Variants in ADGRB1 observed in about 807,000 individuals in gnomAD.
ADGRB1 encodes adhesion G protein-coupled receptor B1.
In ADGRB1, 36 loss-of-function variants were observed where a neutral mutation model predicts 175.7. The observed-to-expected ratio is 0.20, with a 90% CI of 0.16 to 0.27. ADGRB1 has a LOEUF of 0.27. ADGRB1 is among the 10% of genes least tolerant of loss of function. The pLI is 1.00. For missense variants in ADGRB1, 1,731 were observed against 2,255.3 expected, an observed-to-expected ratio of 0.77 and a Z score of 4.71; for synonymous variants, 1,054 against 979.4, an observed-to-expected ratio of 1.08 and a Z score of -1.42.
chr8:142,459,836 C>T (rs575689945), intron 1 of ADGRB1, among the ~76,000 whole-genome samples: 1 of 152,336 alleles, frequency 6.6e-6, no homozygotes, highest in South Asian at 2.1e-4. Flanking sequence ...TCCTGTGACC[C>T]TGTCCACATT....
chr8:142,477,892 G>T (rs1472070927), intron 6 of ADGRB1, among the ~76,000 whole-genome samples: 5 of 151,698 alleles, frequency 3.3e-5, no homozygotes, highest in African/African-American at 4.8e-5. Context: ...TGGCCCCAGG[G>T]TGTTCTCACC....
chr8:142,505,317 C>T (rs905210386), intron 17 of ADGRB1, among the ~76,000 whole-genome samples: 3 of 152,218 alleles, frequency 2.0e-5, no homozygotes, highest in African/African-American at 7.2e-5. Context: ...CCCAAGAGCA[C>T]AGGAGCCACA....
chr8:142,475,707 G>T, intron 3 of ADGRB1, 72 bp downstream of exon 3: 3 of 1,164,198 alleles, frequency 2.6e-6, no homozygotes, highest in African/African-American at 1.7e-5. Flanking sequence ...AGAGGGGGGT[G>T]GGGCCCTGGA....
intron 20 of ADGRB1, among the ~76,000 whole-genome samples, chr8:142,521,714 G>A (rs1027365879): frequency 2.0e-5 from 3 of 152,244 alleles, no homozygotes; most frequent in African/African-American, 7.2e-5. Context: ...TTAGCATTTG[G>A]TGTGGCTATG....
intron 1 of ADGRB1, among the ~76,000 whole-genome samples, chr8:142,451,413 G>A (rs1254043522): frequency 6.6e-6 from 1 of 152,166 alleles, no homozygotes; most frequent in Non-Finnish European, 1.5e-5. Context: ...CCCTAAGCCA[G>A]CCCTCTTTCA....
In ADGRB1 at chr8:142,481,261, C is replaced by T; in HGVS notation, c.1836C>T (p.Ile612=). The change falls in exon 10 of 31, where the codon ATC becomes ATT. Residue 612 remains isoleucine, a synonymous_variant. Coordinates refer to ENST00000517894, the MANE Select transcript of ADGRB1 (RefSeq NM_001702.3). ...AGGGGATGGTCTCCCCAGGACTCAT[C>T]CTGCGACGGTGTGAGCTGGACGAGG... The part of the protein sequence containing the change: ...VRCPRNATGL[I]LRRCELDEEG... 6.2e-7 allele frequency: 1 copy of T among 1,613,748 alleles called. No individual in the cohort carries two copies. The highest frequency in any genetic ancestry group is 8.5e-7 in the Non-Finnish European group (1 of 1,179,840).
Position 142,544,818 on chromosome 8 carries a change from A to G in ADGRB1, c.*401A>G, listed in dbSNP as rs1845493758. 6.4e-6 allele frequency: 1 copy of G among 156,246 alleles called. No homozygotes were observed. Among genetic ancestry groups the G allele is most frequent in the South Asian group, 2.0e-4 (1 of 4,924 alleles). The allele number at this position is 156,246 out of a possible 1,614,324, so 9.7% of individuals were successfully genotyped here. On this transcript the variant is annotated 3_prime_UTR_variant, in exon 31 of 31. Transcript: ENST00000517894. ...CTGGCACCGTTTTTTAAACACCCCC[A>G]TCCCTCGGGAAGCAGCCAGCTCCCC...
Position 142,544,284 on chromosome 8 carries a change from C to A in ADGRB1, c.4622C>A (p.Pro1541His). The A allele has an allele frequency of 6.5e-7, 1 of 1,549,414 alleles. No individual in the cohort carries two copies. Among genetic ancestry groups the A allele is most frequent in the Non-Finnish European group, 8.7e-7 (1 of 1,146,644 alleles). ...WESLRKAHGTPTWVKKELEPL... is the reference protein window; with the variant it reads ...WESLRKAHGTHTWVKKELEPL... ...AGCCTCCGGAAAGCCCACGGGACGCCCACGTGGGTGAAGAAGGAGCTGGAG... is the reference window on the plus strand; with the variant it reads ...AGCCTCCGGAAAGCCCACGGGACGCACACGTGGGTGAAGAAGGAGCTGGAG... The change falls in exon 31 of 31, where the codon CCC (proline) becomes CAC (histidine). Residue 1541 changes from proline (P) to histidine (H), a missense_variant. Coordinates refer to ENST00000517894, the MANE Select transcript of ADGRB1 (RefSeq NM_001702.3).
chr8:142,478,053 C>A, intron 6 of ADGRB1, 134 bp from the exon 7 acceptor site: 1 of 1,226,410 alleles, frequency 8.2e-7, no homozygotes, highest in East Asian at 2.6e-5. Context: ...TGGGTGGTGG[C>A]CCCCAGGGTG....
rs1020495667 is a variant in ADGRB1 at position 142,543,995 on chromosome 8, G to A, written c.4558-225G>A. ...AGGGTCCCCACAGCCTGACCCGACC[G>A]TGGGGTTCGCAACCTCTGCCAAGGC... On this transcript the variant is annotated intron_variant, in intron 30 of 30. Transcript: ENST00000517894. The surrounding 1 kb of genome is among the most constrained non-coding windows in gnomAD (Gnocchi z 4.4). Among the ~76,000 whole-genome samples the A allele has an allele frequency of 2.6e-5, 4 of 152,104 alleles. No homozygotes were observed. The highest frequency in any genetic ancestry group is 4.8e-5 in the African/African-American group (2 of 41,426).
intron 1 of ADGRB1, among the ~76,000 whole-genome samples, chr8:142,454,245 G>A (rs750556712): frequency 2.6e-4 from 39 of 152,232 alleles, no homozygotes; most frequent in Admixed American, 5.2e-4. Flanking sequence ...CACAGTGGGC[G>A]GGCGGCAGCC....
chr8:142,466,570 C>T (rs1022781708), intron 2 of ADGRB1, among the ~76,000 whole-genome samples: 7 of 152,216 alleles, frequency 4.6e-5, no homozygotes, highest in African/African-American at 1.7e-4. Context: ...CAGGTGGGCA[C>T]CTCAGCTGCG....
rs1402250750 is a variant in ADGRB1 at position 142,511,768 on chromosome 8, C to T, written c.2817+695C>T. On this transcript the variant is annotated intron_variant, in intron 18 of 30. Coordinates refer to ENST00000517894, the MANE Select transcript of ADGRB1 (RefSeq NM_001702.3). The surrounding 1 kb of genome is among the most constrained non-coding windows in gnomAD (Gnocchi z 4.5). Reference sequence around the variant, plus strand: ...GCTTTGGGCCGGCCAAGCTGCACCCCCTGGCCTGAGGTGGGCCACAGCCCT... The same window carrying T: ...GCTTTGGGCCGGCCAAGCTGCACCCTCTGGCCTGAGGTGGGCCACAGCCCT... 6.6e-6 allele frequency among the ~76,000 whole-genome samples: 1 copy of T among 152,228 alleles called. No individual in the cohort carries two copies. Among genetic ancestry groups the T allele is most frequent in the Admixed American group, 6.5e-5 (1 of 15,292 alleles).
rs1256714211 is a variant in ADGRB1, at chr8:142,492,601, G to T, written c.2675+1786G>T. ...AAAGGCCTCAAGGTGGGATTGGCAG[G>T]TCACACCAGGCTCCTGCCTTCTCTG... On this transcript the variant is annotated intron_variant, in intron 17 of 30. Coordinates refer to ENST00000517894, the MANE Select transcript of ADGRB1 (RefSeq NM_001702.3). This position sits in a 1 kb window ranked among gnomAD's most constrained non-coding sequence, Gnocchi z 4.4. Among the ~76,000 whole-genome samples, 1 of 152,148 alleles carries T rather than the reference G, an allele frequency of 6.6e-6. No homozygotes were observed. The highest frequency in any genetic ancestry group is 1.9e-4 in the East Asian group (1 of 5,186).
At chr8:142,457,722 A>G (rs1379636131) in intron 1 of ADGRB1, among the ~76,000 whole-genome samples, 1 of 151,998 alleles carries the variant, frequency 6.6e-6, no homozygotes, top group Admixed American at 6.5e-5. Flanking sequence ...TCTGGGGGTC[A>G]CCCTGTCGGG....
At chr8:142,507,086 G>A (rs1332443557) in intron 17 of ADGRB1, among the ~76,000 whole-genome samples, 2 of 152,214 alleles carry the variant, frequency 1.3e-5, no homozygotes, top group Admixed American at 6.5e-5. Context: ...TTGGACAATC[G>A]CTGCTTCCCT....
At chr8:142,469,227 ATG>A (rs1840458650) in intron 2 of ADGRB1, among the ~76,000 whole-genome samples, 2 of 147,510 alleles carry the variant, frequency 1.4e-5, no homozygotes, top group African/African-American at 2.5e-5. Flanking sequence ...ATATCTGTGA[ATG>A]TGAATGTGTG....
intron 22 of ADGRB1, among the ~76,000 whole-genome samples, chr8:142,523,282 G>A (rs890024803): frequency 6.6e-5 from 10 of 152,138 alleles, no homozygotes; most frequent in Non-Finnish European, 8.8e-5. Flanking sequence ...CTGGGGCTCA[G>A]GATGGGCAGA....
At chr8:142,476,005 T>C (rs1840953365) in intron 3 of ADGRB1, among the ~76,000 whole-genome samples, 1 of 152,014 alleles carries the variant, frequency 6.6e-6, no homozygotes, top group Non-Finnish European at 1.5e-5. Context: ...TTCCGGTTTG[T>C]GGATTGGGGT....
Sources: gnomAD v4.1 joint callset for allele counts (sites outside exome capture counted in the v4.1 genomes callset) on GRCh38, gnomAD v4.1.1 for gene constraint, Gnocchi (gnomAD v3.1) non-coding constraint, MANE v1.5 for transcripts, NCBI Gene and HGNC (gene_info 2026-07-23, HGNC 2026-07-21) for gene names.